CFAP92: variants seen among roughly 807,000 people sequenced by gnomAD.
CFAP92 encodes the protein cilia and flagella associated protein 92 (putative), also known as uncharacterized protein CFAP92.
In CFAP92, 86 loss-of-function variants were observed where a neutral mutation model predicts 106.3. That is an observed-to-expected ratio of 0.81 (90% CI 0.68 to 0.97). The LOEUF (loss-of-function observed/expected upper bound fraction) is 0.97, where lower values mean the gene tolerates loss of function less well. Ranked by LOEUF, CFAP92 falls within the 50% of genes least tolerant of loss-of-function variation. The pLI is 0.00. For synonymous variants in CFAP92, 477 were observed against 506.4 expected, an observed-to-expected ratio of 0.94 and a Z score of 0.78; for missense variants, 1,204 against 1,283.8, an observed-to-expected ratio of 0.94 and a Z score of 0.95.
chr3:128,952,898 G>C (rs1226371646), intron 9 of CFAP92, among the ~76,000 whole-genome samples: 3 of 151,728 alleles, frequency 2.0e-5, no homozygotes, highest in Non-Finnish European at 4.4e-5. Flanking sequence ...GCCTGACCAA[G>C]ATAGTGAAAC....
chr3:129,022,454 C>T, the CFAP92 span, among the ~76,000 whole-genome samples: 1 of 152,166 alleles, frequency 6.6e-6, no homozygotes, highest in African/African-American at 2.4e-5. Flanking sequence ...CCAGGAGTGG[C>T]CAGGACAGCG....
intron 1 of CFAP92, chr3:129,001,883 G>T (rs924726770): frequency 3.9e-6 from 6 of 1,540,734 alleles, no homozygotes; most frequent in Non-Finnish European, 5.3e-6. Flanking sequence ...TCTGCGCTGT[G>T]CTGGGGCTGC....
the CFAP92 span, among the ~76,000 whole-genome samples, chr3:129,020,596 C>A: frequency 7.9e-5 from 12 of 152,260 alleles, no homozygotes; most frequent in Middle Eastern, 3.4e-3. Context: ...GAGATCACGC[C>A]ACTGCATTCC....
chr3:128,946,350 C>A (rs907372176), intron 9 of CFAP92, among the ~76,000 whole-genome samples: 2 of 152,160 alleles, frequency 1.3e-5, no homozygotes, highest in Non-Finnish European at 2.9e-5. Context: ...GAAAGGAAAT[C>A]TCTGTTTTCC....
At chr3:128,950,203 A>T (rs1473716047) in intron 9 of CFAP92, among the ~76,000 whole-genome samples, 3 of 152,190 alleles carry the variant, frequency 2.0e-5, no homozygotes, top group Non-Finnish European at 4.4e-5. Flanking sequence ...GTGGGCATTC[A>T]GAATGCAGCA....
chr3:129,018,872 C>T, the CFAP92 span, among the ~76,000 whole-genome samples: 12,042 of 152,188 alleles, frequency 0.079, 1,358 homozygotes, highest in African/African-American at 0.25. Context: ...CCCCACTCGG[C>T]GCTGGAGTTC....
chr3:128,979,560 T>C (rs1943381468), intron 4 of CFAP92, among the ~76,000 whole-genome samples: 1 of 152,110 alleles, frequency 6.6e-6, no homozygotes, highest in South Asian at 2.1e-4. Flanking sequence ...TGTCCAACAA[T>C]GATAGGCTGG....
intron 10 of CFAP92, among the ~76,000 whole-genome samples, chr3:128,940,891 T>C (rs1466173305): frequency 6.6e-6 from 1 of 152,138 alleles, no homozygotes; most frequent in African/African-American, 2.4e-5. Flanking sequence ...AAAAAAAAAG[T>C]ATGAACCTTT....
At chr3:128,956,189 AAAAAAAT>A (rs1396871882) in intron 9 of CFAP92, among the ~76,000 whole-genome samples, 4 of 98,990 alleles carry the variant, frequency 4.0e-5, no homozygotes, top group East Asian at 4.7e-4. Flanking sequence ...TAAATTAAAA[AAAAAAAT>A]AAAAAAAAAA....
At chr3:129,021,621 T>C in the CFAP92 span, among the ~76,000 whole-genome samples, 1 of 150,202 alleles carries the variant, frequency 6.7e-6, no homozygotes, top group East Asian at 2.0e-4. Context: ...CTTATGCTTG[T>C]ACTGTGAGTC....
chr3:128,984,805 G>C (rs764660442), intron 4 of CFAP92, among the ~76,000 whole-genome samples: 1 of 152,130 alleles, frequency 6.6e-6, no homozygotes, highest in Non-Finnish European at 1.5e-5. Context: ...AACAAGTTCT[G>C]GCATGTGACC....
In CFAP92 at chr3:128,911,310, A is replaced by G. The variant is rs1936284832; in HGVS notation, c.3281-977T>C. Among the ~76,000 whole-genome samples, 3 of 151,808 alleles carry G rather than the reference A, an allele frequency of 2.0e-5. No homozygotes were observed. In the South Asian group the frequency reaches 6.2e-4, roughly 32 times the overall value. On this transcript the variant is annotated intron_variant, in intron 15 of 15. Coordinates refer to ENST00000645291, the MANE Select transcript of CFAP92 (RefSeq NM_001394090.1). ...TGACCTCAGGTGATCTGCCTGCCTC[A>G]GCCTCCAAAAATGCTGGGATTACAG...
intron 9 of CFAP92, among the ~76,000 whole-genome samples, chr3:128,959,331 A>G (rs1941687361): frequency 6.6e-6 from 1 of 152,228 alleles, no homozygotes; most frequent in Admixed American, 6.5e-5. Flanking sequence ...TGATGGAACA[A>G]TGCCTTCAAA....
rs760710359 is a variant in CFAP92 at position 128,976,971 on chromosome 3, A to C, written c.896+8T>G. ...CTCCCACCACCCAAAATATCGTTCA[A>C]TCCTTACTGAATCGTGGAAGAATCG... On this transcript the variant is annotated splice_region_variant and intron_variant, in intron 6 of 15. Coordinates refer to ENST00000645291, the MANE Select transcript of CFAP92 (RefSeq NM_001394090.1). 1 of 1,611,094 alleles carries C rather than the reference A, an allele frequency of 6.2e-7. No homozygotes were observed. Among genetic ancestry groups the C allele is most frequent in the African/African-American group, 1.3e-5 (1 of 74,794 alleles).
the CFAP92 span, among the ~76,000 whole-genome samples, chr3:129,024,042 C>A: frequency 6.6e-6 from 1 of 152,230 alleles, no homozygotes; most frequent in Non-Finnish European, 1.5e-5. Context: ...ACCCCTAAAT[C>A]CCATTCATTC....
intron 12 of CFAP92, among the ~76,000 whole-genome samples, chr3:128,921,697 A>G (rs1937299649): frequency 6.6e-6 from 1 of 152,210 alleles, no homozygotes; most frequent in Non-Finnish European, 1.5e-5. Context: ...AAGAAAGGCA[A>G]TCACTGGGCA....
At chr3:129,010,442 G>A in the CFAP92 span, among the ~76,000 whole-genome samples, 1 of 151,968 alleles carries the variant, frequency 6.6e-6, no homozygotes, top group Non-Finnish European at 1.5e-5. The surrounding 1 kb of genome is among the most constrained non-coding windows in gnomAD (Gnocchi z 4.3). Context: ...GAACAGGGAG[G>A]AGAGGCCTGG....
chr3:128,920,034 GAA>G (rs1937140316), intron 12 of CFAP92, among the ~76,000 whole-genome samples: 1 of 152,146 alleles, frequency 6.6e-6, no homozygotes, highest in African/African-American at 2.4e-5. Flanking sequence ...GTAACAGGAT[GAA>G]AAGATGGAAA....
chr3:128,913,099 A>T, intron 15 of CFAP92: 1 of 452,416 alleles, frequency 2.2e-6, no homozygotes, highest in Non-Finnish European at 4.4e-6. Context: ...AAAATGTCAC[A>T]ATCTGTGTAC....
Sources: gnomAD v4.1 joint callset for allele counts (sites outside exome capture counted in the v4.1 genomes callset) on GRCh38, gnomAD v4.1.1 for gene constraint, Gnocchi (gnomAD v3.1) non-coding constraint, MANE v1.5 for transcripts, NCBI Gene and HGNC (gene_info 2026-07-23, HGNC 2026-07-21) for gene names.